The following PTAFR variants were observed in gnomAD, a reference collection of about 807,000 sequenced individuals.
PTAFR encodes platelet-activating factor receptor.
PTAFR carries 8 observed loss-of-function variants against 14.7 expected under a neutral mutation model. That is an observed-to-expected ratio of 0.54 (90% CI 0.32 to 0.98). The LOEUF (loss-of-function observed/expected upper bound fraction) is 0.98. PTAFR is among the 50% of genes least tolerant of loss of function. The pLI is 0.04. For synonymous variants in PTAFR, 156 were observed against 176.5 expected (o/e 0.88, Z 0.92); for missense variants, 337 against 451.2 (o/e 0.75, Z 2.29).
At chr1:28,157,348 C>T (rs866806189) in intron 1 of PTAFR, among the ~76,000 whole-genome samples, 7 of 152,134 alleles carry the variant, frequency 4.6e-5, no homozygotes, top group Middle Eastern at 6.8e-3. Context: ...CCACCATGGC[C>T]AGCTAATTTT....
chr1:28,163,676 A>G (rs1331135332), intron 1 of PTAFR, among the ~76,000 whole-genome samples: 1 of 152,324 alleles, frequency 6.6e-6, no homozygotes, highest in East Asian at 1.9e-4. Context: ...AGTGGCTGGA[A>G]CAGGACCTGA....
At chr1:28,177,678 T>C (rs145321148), upstream of PTAFR, among the ~76,000 whole-genome samples, 3,397 of 152,334 alleles carry the variant, frequency 0.022, 137 homozygotes, top group African/African-American at 0.076. Context: ...TCTATTCCTC[T>C]GTCTCCTGTA....
At position 28,149,552 on chromosome 1, in the gene PTAFR, C is replaced by G; in HGVS notation, c.*441G>C. ...GTTTTACAATGTTGGCCAGGATGGT[C>G]TCGATCTCTTGACCCATGATCTGCC... On this transcript the variant is annotated 3_prime_UTR_variant, in exon 2 of 2. Coordinates refer to ENST00000373857, the MANE Select transcript of PTAFR (RefSeq NM_000952.5). 1.2e-5 allele frequency: 2 copies of G among 166,842 alleles called. No individual in the cohort carries two copies. The highest frequency in any genetic ancestry group is 2.9e-4 in the South Asian group (2 of 6,926). The allele number at this position is 166,842 out of a possible 1,614,324, so 10.3% of individuals were successfully genotyped here.
rs1165813776 is a variant in PTAFR at position 28,184,082 on chromosome 1, G to GTTTTTTT, written c.-39+9633_-39+9639dup. Reference sequence around the variant, plus strand: ...TCCATACTCACGTCCCCATTAGTCTGTTTTTTTTTTTTTTTTTTTTTTTTT... The same window carrying GTTTTTTT: ...TCCATACTCACGTCCCCATTAGTCTGTTTTTTTTTTTTTTTTTTTTTTTTTTTTTTTT... On this transcript the variant is annotated intron_variant, in intron 1 of 1. Transcript: ENST00000305392. Among the ~76,000 whole-genome samples the GTTTTTTT allele has an allele frequency of 4.9e-5, 4 of 82,416 alleles. 1 individual carries two copies. The highest frequency in any genetic ancestry group is 1.5e-4 in the Admixed American group (1 of 6,800). The allele number at this position is 82,416 out of a possible 152,430, so 54.1% of individuals were successfully genotyped here. A position where few individuals can be genotyped will look rare whatever the true frequency, so the allele number is the denominator to read the frequency against.
intron 1 of PTAFR, among the ~76,000 whole-genome samples, chr1:28,188,352 A>C (rs1646623384): frequency 6.6e-6 from 1 of 152,206 alleles, no homozygotes; most frequent in South Asian, 2.1e-4. Flanking sequence ...AGGCTGAGGC[A>C]TGAGAATCAC....
At chr1:28,175,218 G>C (rs1398829657) in intron 1 of PTAFR, among the ~76,000 whole-genome samples, 1 of 152,042 alleles carries the variant, frequency 6.6e-6, no homozygotes, top group African/African-American at 2.4e-5. Context: ...GGCCCACAGA[G>C]GTCAGTATTT....
chr1:28,175,021 G>A (rs541351095), intron 1 of PTAFR, among the ~76,000 whole-genome samples: 214 of 152,218 alleles, frequency 1.4e-3, no homozygotes, highest in African/African-American at 4.7e-3. Context: ...CCGCCTCCCA[G>A]GTTCAAGCAA....
chr1:28,189,483 C>T (rs776049140), intron 1 of PTAFR, among the ~76,000 whole-genome samples: 23 of 151,496 alleles, frequency 1.5e-4, no homozygotes, highest in Non-Finnish European at 3.2e-4. Context: ...CATGGTGGCG[C>T]GCGCCTGTAG....
chr1:28,189,967 A>G (rs376281056), intron 1 of PTAFR, among the ~76,000 whole-genome samples: 3,629 of 124,476 alleles, frequency 0.029, 139 homozygotes, highest in African/African-American at 0.097. Context: ...TGCCTGGCCA[A>G]ATAACATTTA....
At chr1:28,184,249 C>G (rs959674572) in intron 1 of PTAFR, among the ~76,000 whole-genome samples, 2 of 152,012 alleles carry the variant, frequency 1.3e-5, no homozygotes, top group South Asian at 4.2e-4. Flanking sequence ...TGCACCACCA[C>G]GCCCAACTGA....
At chr1:28,158,757 G>A (rs1382809900) in intron 1 of PTAFR, among the ~76,000 whole-genome samples, 2 of 152,126 alleles carry the variant, frequency 1.3e-5, no homozygotes, top group Admixed American at 6.6e-5. Context: ...TAAGGAGTCT[G>A]GACTTTATTC....
chr1:28,182,766 C>T (rs1011752911), intron 1 of PTAFR, among the ~76,000 whole-genome samples: 5 of 152,114 alleles, frequency 3.3e-5, no homozygotes, highest in Non-Finnish European at 7.4e-5. Context: ...CTGCAACCTC[C>T]GCCTCCCGCT....
chr1:28,192,262 A>G lies in PTAFR; in HGVS notation c.-39+1460T>C, dbSNP rs536499294. On this transcript the variant is annotated intron_variant, in intron 1 of 1. Coordinates refer to the PTAFR transcript ENST00000305392. ...CTTCATAAAGGTTTTACACAACTGC[A>G]TAAGATAATACTTGTGGCCGGGCGC... Among the ~76,000 whole-genome samples, 75 of 152,242 alleles carry G rather than the reference A, an allele frequency of 4.9e-4. No homozygotes were observed. The South Asian group carries it at 6.4e-3, about 13-fold the overall frequency.
intron 1 of PTAFR, among the ~76,000 whole-genome samples, chr1:28,163,892 A>G (rs1477909180): frequency 6.6e-6 from 1 of 152,244 alleles, no homozygotes; most frequent in Non-Finnish European, 1.5e-5. Context: ...AGAGGCTCAG[A>G]CCACTCAGTT....
chr1:28,191,754 T>TC (rs1646655519), intron 1 of PTAFR, among the ~76,000 whole-genome samples: 2 of 148,144 alleles, frequency 1.4e-5, no homozygotes, highest in African/African-American at 4.9e-5. Context: ...CTCTCTCTCT[T>TC]TTTTTTTTTT....
chr1:28,182,689 G>C (rs961748019), intron 1 of PTAFR, among the ~76,000 whole-genome samples: 3 of 151,784 alleles, frequency 2.0e-5, no homozygotes, highest in Non-Finnish European at 4.4e-5. Flanking sequence ...CATGTTTTCT[G>C]TTCTTTTTGA....
At chr1:28,183,735 A>C (rs953527723) in intron 1 of PTAFR, among the ~76,000 whole-genome samples, 1 of 152,090 alleles carries the variant, frequency 6.6e-6, no homozygotes, top group Non-Finnish European at 1.5e-5. Flanking sequence ...AAAATACAAA[A>C]ATTAGCCGGG....
chr1:28,181,547 G>C (rs1374550334), upstream of PTAFR, among the ~76,000 whole-genome samples: 1 of 151,996 alleles, frequency 6.6e-6, no homozygotes, highest in East Asian at 1.9e-4. Flanking sequence ...AGCAGTTCAA[G>C]ACCAGCCTCA....
chr1:28,192,696 G>A (rs1646663820), intron 1 of PTAFR, among the ~76,000 whole-genome samples: 1 of 151,712 alleles, frequency 6.6e-6, no homozygotes, highest in Non-Finnish European at 1.5e-5. Flanking sequence ...GCCCAGGCTG[G>A]AGTGCAGTGG....
Sources: gnomAD v4.1 joint callset for allele counts (sites outside exome capture counted in the v4.1 genomes callset) on GRCh38, gnomAD v4.1.1 for gene constraint, MANE v1.5 for transcripts, NCBI Gene and HGNC (gene_info 2026-07-23, HGNC 2026-07-21) for gene names.